The following RBFOX1 variants were observed in gnomAD, a reference collection of about 807,000 sequenced individuals.
The protein encoded by RBFOX1 is RNA binding fox-1 homolog 1.
RBFOX1 carries 8 observed loss-of-function variants against 57.7 expected under a neutral mutation model. That is an observed-to-expected ratio of 0.14 (90% CI 0.08 to 0.25). RBFOX1 has a LOEUF of 0.25. RBFOX1 is among the 10% of genes least tolerant of loss of function. RBFOX1 has a pLI of 1.00. For synonymous variants in RBFOX1, 326 were observed against 222.4 expected (o/e 1.47, Z -4.15); for missense variants, 611 against 548.5 (o/e 1.11, Z -1.14).
At chr16:6,653,932 T>C (rs1029267617) in intron 2 of RBFOX1, among the ~76,000 whole-genome samples, 5 of 144,870 alleles carry the variant, frequency 3.5e-5, no homozygotes, top group Non-Finnish European at 7.5e-5. Context: ...GTGTAGATGA[T>C]TGATGGATAG....
intron 3 of RBFOX1, among the ~76,000 whole-genome samples, chr16:6,953,563 C>G (rs1349426829): frequency 6.6e-6 from 1 of 151,960 alleles, no homozygotes; most frequent in South Asian, 2.1e-4. Flanking sequence ...TGTGTTGTAT[C>G]TTTAGTAGAG....
intron 3 of RBFOX1, among the ~76,000 whole-genome samples, chr16:5,793,174 T>C (rs2151735943): frequency 6.6e-6 from 1 of 152,332 alleles, no homozygotes; most frequent in South Asian, 2.1e-4. Context: ...TTCTCTAAAC[T>C]TGCACTTCAG....
chr16:6,991,447 A>G (rs1028572227), intron 3 of RBFOX1, among the ~76,000 whole-genome samples: 36 of 152,344 alleles, frequency 2.4e-4, no homozygotes, highest in Admixed American at 1.9e-3. Context: ...AACTGACACA[A>G]TGATTAGCAC....
intron 2 of RBFOX1, among the ~76,000 whole-genome samples, chr16:6,606,536 G>T (rs1337322854): frequency 2.0e-5 from 3 of 151,946 alleles, no homozygotes; most frequent in Non-Finnish European, 4.4e-5. Flanking sequence ...CCTCTACGAG[G>T]CCCCATTGTG....
intron 4 of RBFOX1, among the ~76,000 whole-genome samples, chr16:7,319,104 C>A (rs1325954296): frequency 1.3e-5 from 2 of 152,068 alleles, no homozygotes; most frequent in South Asian, 2.1e-4. Flanking sequence ...AATTTTAAAT[C>A]CTTCAGTTCC....
Position 5,599,667 on chromosome 16 carries a change from A to T in RBFOX1, c.*418A>T, listed in dbSNP as rs899348022. ...TATTCATCATTATGTATTTCATTTT[A>T]TGATGATTTTCTCTTTATAGCCATC... On this transcript the variant is annotated 3_prime_UTR_variant, in exon 3 of 3. Coordinates refer to the RBFOX1 transcript ENST00000585867. 4 of 161,076 alleles carry T rather than the reference A, an allele frequency of 2.5e-5. 1 individual carries two copies. Among genetic ancestry groups the T allele is most frequent in the Admixed American group, 2.5e-4 (4 of 16,286 alleles). 10.0% of individuals were successfully genotyped at this position (161,076 alleles called of 1,614,324 possible). A position where few individuals can be genotyped will look rare whatever the true frequency, so the allele number is the denominator to read the frequency against.
At chr16:6,514,798 T>C (rs1383866359) in intron 2 of RBFOX1, among the ~76,000 whole-genome samples, 1 of 151,808 alleles carries the variant, frequency 6.6e-6, no homozygotes, top group East Asian at 1.9e-4. Flanking sequence ...TGGAGAAAAA[T>C]GGTGTCTCCT....
chr16:6,394,430 G>A (rs999023992), intron 2 of RBFOX1, among the ~76,000 whole-genome samples: 4 of 152,086 alleles, frequency 2.6e-5, no homozygotes, highest in South Asian at 4.2e-4. Context: ...GGCTGCTGGT[G>A]GGAGTGGGGG....
intron 2 of RBFOX1, among the ~76,000 whole-genome samples, chr16:6,648,460 C>G (rs982119344): frequency 6.6e-6 from 1 of 152,000 alleles, no homozygotes; most frequent in African/African-American, 2.4e-5. Flanking sequence ...GCTGAAGGAC[C>G]GCATGGTTAT....
chr16:7,697,604 C>T (rs1568525242), intron 14 of RBFOX1, among the ~76,000 whole-genome samples: 1 of 152,084 alleles, frequency 6.6e-6, no homozygotes, highest in South Asian at 2.1e-4. Context: ...GAGGTGTTAT[C>T]CCCATTTTGG....
intron 3 of RBFOX1, among the ~76,000 whole-genome samples, chr16:6,803,579 G>T (rs968725283): frequency 1.3e-5 from 2 of 152,124 alleles, no homozygotes; most frequent in Admixed American, 1.3e-4. Context: ...ATTATGTATG[G>T]TGGTAAAATA....
chr16:5,713,995 C>T (rs1453918350), intron 3 of RBFOX1, among the ~76,000 whole-genome samples: 1 of 152,150 alleles, frequency 6.6e-6, no homozygotes, highest in African/African-American at 2.4e-5. Flanking sequence ...TTAGGAAGCT[C>T]ACTCACAGGG....
chr16:6,062,621 T>TATAATATATAACATGTACATATA (rs6145734), intron 1 of RBFOX1, among the ~76,000 whole-genome samples: 32 of 147,712 alleles, frequency 2.2e-4, no homozygotes, highest in African/African-American at 7.9e-4. Flanking sequence ...AATATATAAA[T>TATAATATATAACATGTACATATA]ATATATAACA....
At chr16:5,870,649 A>G (rs1044634289) in intron 4 of RBFOX1, among the ~76,000 whole-genome samples, 3 of 151,674 alleles carry the variant, frequency 2.0e-5, no homozygotes, top group African/African-American at 4.8e-5. Flanking sequence ...ATTTTTCCTA[A>G]GGCTGAATTA....
At chr16:6,437,271 C>G (rs571075154) in intron 2 of RBFOX1, among the ~76,000 whole-genome samples, 4 of 152,270 alleles carry the variant, frequency 2.6e-5, no homozygotes, top group Non-Finnish European at 4.4e-5. Context: ...CCTGCATTTA[C>G]TTTATTTAAT....
At chr16:6,853,779 C>T (rs1002552976) in intron 3 of RBFOX1, among the ~76,000 whole-genome samples, 2 of 152,016 alleles carry the variant, frequency 1.3e-5, no homozygotes, top group Non-Finnish European at 2.9e-5. Flanking sequence ...GCACTCTGAC[C>T]TCACTTGAAG....
At chr16:6,643,869 T>A in intron 2 of RBFOX1, among the ~76,000 whole-genome samples, 1 of 152,128 alleles carries the variant, frequency 6.6e-6, no homozygotes, top group East Asian at 1.9e-4. Context: ...GTCATGCCTG[T>A]AATCCCAGCA....
intron 2 of RBFOX1, among the ~76,000 whole-genome samples, chr16:6,541,196 C>G (rs75174314): frequency 0.016 from 2,474 of 152,250 alleles, 66 homozygotes; most frequent in African/African-American, 0.054. Context: ...GGTAATGGCT[C>G]TAGGTCCTCC....
chr16:5,295,409 C>T (rs1177538502), intron 1 of RBFOX1, among the ~76,000 whole-genome samples: 1 of 152,172 alleles, frequency 6.6e-6, no homozygotes, highest in African/African-American at 2.4e-5. Context: ...TATCACTGCA[C>T]GGTTTCTGTG....
Sources: gnomAD v4.1 joint callset for allele counts (sites outside exome capture counted in the v4.1 genomes callset) on GRCh38, gnomAD v4.1.1 for gene constraint, MANE v1.5 for transcripts, NCBI Gene and HGNC (gene_info 2026-07-23, HGNC 2026-07-21) for gene names.